SNTB2: variants seen among roughly 807,000 people sequenced by gnomAD.
SNTB2 encodes the protein syntrophin beta 2, also known as beta-2-syntrophin.
Under a neutral mutation model 46.2 loss-of-function variants are expected in SNTB2, and 34 were observed. The observed-to-expected ratio is 0.74, with a 90% CI of 0.56 to 0.98. The LOEUF (loss-of-function observed/expected upper bound fraction) is 0.98. Ranked by LOEUF, SNTB2 falls within the 50% of genes least tolerant of loss-of-function variation. The probability of loss-of-function intolerance (pLI) is 0.00; values close to 1 mark genes in which losing one functional copy is unlikely to be tolerated. For synonymous variants in SNTB2, 290 were observed against 312.6 expected (o/e 0.93, Z 0.76); for missense variants, 603 against 731.4 (o/e 0.82, Z 2.02).
chr16:69,243,035 A>T (rs563761222), intron 1 of SNTB2, among the ~76,000 whole-genome samples: 1 of 151,070 alleles, frequency 6.6e-6, no homozygotes, highest in Non-Finnish European at 1.5e-5. Context: ...AAAAAAAAAA[A>T]AAAAAAGGGA....
At chr16:69,295,450 A>G (rs1182620334) in intron 5 of SNTB2, among the ~76,000 whole-genome samples, 2 of 151,270 alleles carry the variant, frequency 1.3e-5, no homozygotes, top group African/African-American at 2.4e-5. Flanking sequence ...GGGTTTCACC[A>G]TATTGGCCAG....
At chr16:69,263,355 C>T (rs1744624170) in intron 3 of SNTB2, among the ~76,000 whole-genome samples, 1 of 151,902 alleles carries the variant, frequency 6.6e-6, no homozygotes, top group Non-Finnish European at 1.5e-5. Context: ...GGTGATCTTC[C>T]CACCTTAGCC....
At chr16:69,259,989 A>G in intron 2 of SNTB2, 61 bp from the exon 3 acceptor site, 1 of 1,203,118 alleles carries the variant, frequency 8.3e-7, no homozygotes, top group Admixed American at 1.7e-5. Context: ...TGTATTTTAA[A>G]CCTGGCAGGT....
At chr16:69,203,244 C>T (rs989372850) in intron 1 of SNTB2, among the ~76,000 whole-genome samples, 4 of 152,246 alleles carry the variant, frequency 2.6e-5, no homozygotes, top group Admixed American at 1.3e-4. Context: ...TCTCGAACTC[C>T]TGACCTCAGG....
At chr16:69,230,652 C>T (rs992661689) in intron 1 of SNTB2, among the ~76,000 whole-genome samples, 4 of 151,862 alleles carry the variant, frequency 2.6e-5, no homozygotes, top group African/African-American at 4.8e-5. Flanking sequence ...TGAGCCACTG[C>T]GCCTGGCCGG....
chr16:69,222,656 T>C (rs1964417846), intron 1 of SNTB2, among the ~76,000 whole-genome samples: 1 of 151,782 alleles, frequency 6.6e-6, no homozygotes. Context: ...CTATGTATGA[T>C]TATAGCTATT....
rs142598878 is a variant in SNTB2 at position 69,300,834 on chromosome 16, C to G, written c.1533C>G (p.Thr511=). The G allele has an allele frequency of 2.0e-4, 329 of 1,609,788 alleles. No homozygotes were observed. The highest frequency in any genetic ancestry group is 2.5e-4 in the Non-Finnish European group (299 of 1,176,156). Residue 511 remains threonine, a splice_region_variant and synonymous_variant, in exon 7 of 7, where the codon ACC becomes ACG. Transcript: ENST00000336278. ...TGCTTAGTGTCCTTTCTCCACAGAC[C>G]ATGGACCTGCACTCTTGTCCGAAGC... ...LDFGGPEGEL[T]MDLHSCPKPI... is the part of the protein sequence containing the mutation.
At chr16:69,294,974 A>G (rs902277665) in intron 5 of SNTB2, among the ~76,000 whole-genome samples, 1 of 151,956 alleles carries the variant, frequency 6.6e-6, no homozygotes, top group Admixed American at 6.6e-5. Context: ...ACACACTGCC[A>G]TGCCTGGCTA....
At chr16:69,233,803 C>T (rs1964530755) in intron 1 of SNTB2, among the ~76,000 whole-genome samples, 1 of 152,010 alleles carries the variant, frequency 6.6e-6, no homozygotes, top group Admixed American at 6.6e-5. Context: ...CAAGACCCCA[C>T]TGTCTCTGCA....
At chr16:69,257,550 A>G (rs537337714) in intron 2 of SNTB2, among the ~76,000 whole-genome samples, 71 of 151,886 alleles carry the variant, frequency 4.7e-4, no homozygotes, top group African/African-American at 1.7e-3. Flanking sequence ...GGTTCATGCC[A>G]TTCTTCTGCC....
At chr16:69,249,023 C>CTTTTT (rs34530998) in intron 2 of SNTB2, among the ~76,000 whole-genome samples, 5 of 125,808 alleles carry the variant, frequency 4.0e-5, no homozygotes, top group South Asian at 2.6e-4. Flanking sequence ...TCATTTCTTT[C>CTTTTT]TTTTTTTTTT....
At chr16:69,188,494 G>T (rs926599716) in intron 1 of SNTB2, among the ~76,000 whole-genome samples, 2 of 152,186 alleles carry the variant, frequency 1.3e-5, no homozygotes, top group African/African-American at 4.8e-5. Context: ...CAATAACCAG[G>T]ATTATTCTTT....
chr16:69,269,294 G>A (rs1333802237), intron 3 of SNTB2, among the ~76,000 whole-genome samples: 9 of 151,706 alleles, frequency 5.9e-5, no homozygotes, highest in East Asian at 3.9e-4. Flanking sequence ...CAAGGCAGGC[G>A]GATCATGAGG....
intron 5 of SNTB2, among the ~76,000 whole-genome samples, chr16:69,292,397 T>TATAAA (rs1555501239): frequency 3.5e-5 from 1 of 28,454 alleles, no homozygotes; most frequent in Admixed American, 4.0e-4. Flanking sequence ...ATATTATATA[T>TATAAA]ATATATATAT....
chr16:69,191,548 A>ATCCTG, intron 1 of SNTB2, among the ~76,000 whole-genome samples: 1 of 117,266 alleles, frequency 8.5e-6, no homozygotes, highest in South Asian at 3.2e-4. Context: ...ACAGAGCAAG[A>ATCCTG]TCCTGTCTCA....
intron 4 of SNTB2, among the ~76,000 whole-genome samples, chr16:69,283,482 T>C (rs1965070122): frequency 6.6e-6 from 1 of 152,198 alleles, no homozygotes; most frequent in African/African-American, 2.4e-5. Context: ...CCAGATGAGA[T>C]ATTCACTGCC....
intron 5 of SNTB2, among the ~76,000 whole-genome samples, chr16:69,295,374 C>G (rs1417463620): frequency 2.0e-5 from 3 of 150,836 alleles, no homozygotes; most frequent in African/African-American, 7.3e-5. Context: ...CTCAGCCTCC[C>G]GAGTAGCTGG....
At chr16:69,248,605 C>G (rs536006851) in intron 2 of SNTB2, among the ~76,000 whole-genome samples, 2 of 152,244 alleles carry the variant, frequency 1.3e-5, no homozygotes, top group Admixed American at 6.5e-5. Flanking sequence ...GCACTCCAGT[C>G]TGGGTGACAG....
At chr16:69,236,490 G>C (rs1330348375) in intron 1 of SNTB2, among the ~76,000 whole-genome samples, 1 of 152,108 alleles carries the variant, frequency 6.6e-6, no homozygotes, top group Non-Finnish European at 1.5e-5. Context: ...TGGTTGCCAG[G>C]GGATAGGGGA....
Sources: allele counts gnomAD v4.1 joint callset (sites outside exome capture counted in the v4.1 genomes callset), GRCh38; gene constraint gnomAD v4.1.1; transcripts MANE v1.5; gene names NCBI Gene and HGNC (gene_info 2026-07-23, HGNC 2026-07-21).